The following TET3 variants were observed in gnomAD, a reference collection of about 807,000 sequenced individuals.
The protein encoded by TET3 is methylcytosine dioxygenase TET3.
TET3 carries 19 observed loss-of-function variants against 141.4 expected under a neutral mutation model. The ratio of observed to expected loss-of-function variants is 0.13; its 90% CI spans 0.09 to 0.20. The LOEUF is 0.20. Ranked by LOEUF, TET3 falls within the 10% of genes least tolerant of loss-of-function variation. TET3 has a pLI of 1.00. For synonymous variants in TET3, 1,043 were observed against 980.9 expected, an observed-to-expected ratio of 1.06 and a Z score of -1.18; for missense variants, 1,874 against 2,356.9, an observed-to-expected ratio of 0.80 and a Z score of 4.24.
upstream of TET3, among the ~76,000 whole-genome samples, chr2:73,984,438 G>A (rs1299780482): frequency 2.0e-5 from 3 of 152,202 alleles, no homozygotes; most frequent in Non-Finnish European, 4.4e-5. This position sits in a 1 kb window ranked among gnomAD's most constrained non-coding sequence, Gnocchi z 5.6. Flanking sequence ...TGAGCCAGCG[G>A]CAGCTGGGAC....
chr2:74,109,732 G>C (rs942790932), downstream of TET3, among the ~76,000 whole-genome samples: 1 of 152,162 alleles, frequency 6.6e-6, no homozygotes, highest in African/African-American at 2.4e-5. Flanking sequence ...GCCCCCGTCT[G>C]TTCACACCTA....
intron 8 of TET3, 122 bp downstream of exon 8, chr2:74,090,169 C>T (rs1396268168): frequency 1.9e-5 from 27 of 1,449,056 alleles, no homozygotes; most frequent in Admixed American, 8.3e-5. Context: ...AACTTGTTTT[C>T]GTTTTTTTAA....
chr2:74,034,961 G>A (rs889616321), intron 3 of TET3, among the ~76,000 whole-genome samples: 1 of 150,970 alleles, frequency 6.6e-6, no homozygotes, highest in East Asian at 2.0e-4. Flanking sequence ...GGAGGCTGAG[G>A]CAAGCAGATC....
chr2:74,099,943 G>A (rs1691081793), intron 11 of TET3, among the ~76,000 whole-genome samples: 1 of 152,176 alleles, frequency 6.6e-6, no homozygotes. Flanking sequence ...AGCACTTCAG[G>A]ACATGTGGGT....
At chr2:74,011,800 G>T (rs1001947017) in intron 3 of TET3, among the ~76,000 whole-genome samples, 4 of 151,760 alleles carry the variant, frequency 2.6e-5, no homozygotes, top group Admixed American at 6.6e-5. Context: ...CACTTTGGGA[G>T]GCCAAAGTGG....
chr2:74,127,694 GT>G, the TET3 span, among the ~76,000 whole-genome samples: 75 of 148,012 alleles, frequency 5.1e-4, 1 homozygote, highest in East Asian at 1.8e-3. Context: ...ATTCTGTGAG[GT>G]TTTTTTTTTT....
chr2:74,052,169 G>A (rs62150616), intron 4 of TET3, among the ~76,000 whole-genome samples: 84 of 152,108 alleles, frequency 5.5e-4, no homozygotes, highest in Non-Finnish European at 1.1e-3. Context: ...TAGTAGAGAC[G>A]GGGTTTCACC....
At position 74,022,738 on chromosome 2, in the gene TET3, A is replaced by G. The variant is rs1389205870; in HGVS notation, c.360+19572A>G. On this transcript the variant is annotated intron_variant, in intron 3 of 11. Transcript: ENST00000409262. ...GATTCTTACTACAATGCATTTTCAAATTCAGTGAGTCTGAGATGAGGCTGA... is the reference window on the plus strand; with the variant it reads ...GATTCTTACTACAATGCATTTTCAAGTTCAGTGAGTCTGAGATGAGGCTGA... Among the ~76,000 whole-genome samples, 7 of 152,070 alleles carry G rather than the reference A, an allele frequency of 4.6e-5. No homozygotes were observed. The East Asian group carries it at 1.3e-3, about 29-fold the overall frequency.
chr2:74,090,452 C>T (rs2104096590), intron 8 of TET3, among the ~76,000 whole-genome samples: 1 of 152,320 alleles, frequency 6.6e-6, no homozygotes, highest in East Asian at 1.9e-4. Flanking sequence ...TCCTCTGGGC[C>T]TTTGCTGTAC....
intron 3 of TET3, among the ~76,000 whole-genome samples, chr2:74,034,335 C>A (rs1400929670): frequency 6.6e-6 from 1 of 151,372 alleles, no homozygotes; most frequent in East Asian, 1.9e-4. Flanking sequence ...AAACACATGC[C>A]AGTTCCCCAA....
chr2:74,108,746 A>G (rs1691634544), downstream of TET3, among the ~76,000 whole-genome samples: 1 of 152,182 alleles, frequency 6.6e-6, no homozygotes, highest in Non-Finnish European at 1.5e-5. Context: ...GAGAATAGTG[A>G]ATCTGCTTGC....
chr2:74,013,002 T>G (rs1009520839), intron 3 of TET3, among the ~76,000 whole-genome samples: 21 of 151,814 alleles, frequency 1.4e-4, no homozygotes, highest in Non-Finnish European at 2.8e-4. Context: ...GGGGTGTTTT[T>G]TTTTTTTTTT....
At chr2:74,048,477 A>G in intron 4 of TET3, 66 bp downstream of exon 4, 1 of 1,484,676 alleles carries the variant, frequency 6.7e-7, no homozygotes, top group South Asian at 1.4e-5. Flanking sequence ...TAGGATTTCT[A>G]GGCCCTGCCT....
chr2:74,096,780 A>G (rs1307620496), intron 10 of TET3, among the ~76,000 whole-genome samples: 1 of 144,480 alleles, frequency 6.9e-6, no homozygotes, highest in East Asian at 2.0e-4. Flanking sequence ...AAAAAAAAAA[A>G]GAAAGAAAGA....
chr2:74,100,921 T>C lies in TET3; in HGVS notation c.4133T>C (p.Val1378Ala). 6.2e-7 allele frequency: 1 copy of C among 1,610,754 alleles called. No individual in the cohort carries two copies. The highest frequency in any genetic ancestry group is 8.5e-7 in the Non-Finnish European group (1 of 1,178,628). Residue 1378 changes from valine to alanine, a missense_variant, in exon 12 of 12, where the codon GTG becomes GCG. Transcript: ENST00000409262. Reference sequence around the variant, plus strand: ...CCCAAGGCCCCCCTACTCCACTCAGTGTCCAGGGACCCCTCCCCCTTTGCC... The same window carrying C: ...CCCAAGGCCCCCCTACTCCACTCAGCGTCCAGGGACCCCTCCCCCTTTGCC... ...LLPKAPLLHS[V>A]SRDPSPFAQS...
chr2:74,046,551 T>C lies in TET3; in HGVS notation c.634T>C (p.Ser212Pro), dbSNP rs1490481636. 1 of 1,613,886 alleles carries C rather than the reference T, an allele frequency of 6.2e-7. No homozygotes were observed. Among genetic ancestry groups the C allele is most frequent in the Non-Finnish European group, 8.5e-7 (1 of 1,179,866 alleles). Residue 212 changes from serine (S) to proline (P), a missense_variant, in exon 4 of 12, where the codon TCT becomes CCT. Ser to Pro is a moderately conservative substitution (Grantham distance 74, BLOSUM62 -1). This residue lies in a region of TET3 where 366 missense variants were observed against 487.0 expected (regional missense o/e 0.75). Transcript: ENST00000409262. This position sits in a 1 kb window ranked among gnomAD's most constrained non-coding sequence, Gnocchi z 4.3. The part of the protein sequence containing the change: ...AFSAVAEAVS[S>P]YGALSTRLYE... ...TTCGGCTGTGGCCGAAGCTGTGTCC[T>C]CTTATGGGGCCCTTAGCACCCGGCT... is the stretch of plus-strand genomic sequence containing the variant.
chr2:73,984,831 T>G (rs1239405720), upstream of TET3, among the ~76,000 whole-genome samples: 4 of 143,776 alleles, frequency 2.8e-5, no homozygotes, highest in African/African-American at 1.0e-4. The surrounding 1 kb of genome is among the most constrained non-coding windows in gnomAD (Gnocchi z 5.6). Context: ...CCGGCGGGGC[T>G]CGGCGGGGCC....
In TET3 at chr2:74,050,373, G is replaced by A. The variant is rs576010761; in HGVS notation, c.2494+1962G>A. Among the ~76,000 whole-genome samples the A allele has an allele frequency of 3.9e-5, 6 of 152,198 alleles. No individual in the cohort carries two copies. The South Asian group carries it at 1.0e-3, about 26-fold the overall frequency. On this transcript the variant is annotated intron_variant, in intron 4 of 11. Transcript: ENST00000409262. ...CTTAGTGCTGTGTTGGCACAAGAGT[G>A]TCAGCTGTTATCAAGCCTATCAAGT... is the stretch of plus-strand genomic sequence containing the variant.
chr2:74,030,983 C>CCG (rs1553420144), intron 3 of TET3, among the ~76,000 whole-genome samples: 6 of 151,768 alleles, frequency 4.0e-5, no homozygotes, highest in South Asian at 2.1e-4. Flanking sequence ...AAGGGATGTC[C>CCG]GGGGGGGAGT....
Sources: gnomAD v4.1 joint callset for allele counts (sites outside exome capture counted in the v4.1 genomes callset) on GRCh38, gnomAD v4.1.1 for gene constraint, gnomAD v4.1.1 regional missense constraint, Gnocchi (gnomAD v3.1) non-coding constraint, MANE v1.5 for transcripts, NCBI Gene and HGNC (gene_info 2026-07-23, HGNC 2026-07-21) for gene names.